The following NSRP1 variants were observed in gnomAD, a reference collection of about 807,000 sequenced individuals.
NSRP1 encodes the protein coiled-coil domain containing 55.
Under a neutral mutation model 54.7 loss-of-function variants are expected in NSRP1, and 24 were observed. The observed-to-expected ratio is 0.44, with a 90% CI of 0.32 to 0.62. The LOEUF (loss-of-function observed/expected upper bound fraction) is 0.62, where lower values mean the gene tolerates loss of function less well. NSRP1 is among the 20% of genes least tolerant of loss of function. NSRP1 has a pLI of 0.06. For missense variants in NSRP1, 596 were observed against 651.2 expected (o/e 0.92, Z 0.92); for synonymous variants, 210 against 213.8 (o/e 0.98, Z 0.15).
chr17:30,126,670 C>T (rs879784749), intron 2 of NSRP1, among the ~76,000 whole-genome samples: 2 of 152,184 alleles, frequency 1.3e-5, no homozygotes, highest in Non-Finnish European at 2.9e-5. Context: ...GTCACTGCAA[C>T]CTCCGCTTCC....
At chr17:30,139,567 C>T (rs570024217) in intron 2 of NSRP1, among the ~76,000 whole-genome samples, 8 of 151,780 alleles carry the variant, frequency 5.3e-5, no homozygotes, top group East Asian at 3.9e-4. Flanking sequence ...GCTATTAAGT[C>T]GCATTGGCCT....
intron 2 of NSRP1, among the ~76,000 whole-genome samples, chr17:30,126,801 C>T (rs563963636): frequency 1.3e-5 from 2 of 152,278 alleles, no homozygotes; most frequent in African/African-American, 2.4e-5. Context: ...GTTGCCCAGG[C>T]GGGTCTCAAG....
intron 2 of NSRP1, among the ~76,000 whole-genome samples, chr17:30,136,894 ATATC>A (rs1364577722): frequency 6.6e-6 from 1 of 152,314 alleles, no homozygotes; most frequent in East Asian, 1.9e-4. Context: ...TTTTATGTAT[ATATC>A]TAAGGATTTT....
chr17:30,148,413 G>A (rs2143003062), intron 2 of NSRP1, among the ~76,000 whole-genome samples: 1 of 152,268 alleles, frequency 6.6e-6, no homozygotes, highest in South Asian at 2.1e-4. Context: ...ATTTATGGAG[G>A]TGACAAATGA....
In NSRP1 at chr17:30,185,661, A is replaced by G. The variant is rs1447258866; in HGVS notation, c.1664A>G (p.Lys555Arg). 2 of 1,574,244 alleles carry G rather than the reference A, an allele frequency of 1.3e-6. No individual in the cohort carries two copies. The highest frequency in any genetic ancestry group is 1.7e-6 in the Non-Finnish European group (2 of 1,165,280). ...GTTAATGCAAAGACCTATATTGAGA[A>G]AGAAGATGATTGATGGCTACCCCAA... is the stretch of plus-strand genomic sequence containing the variant. The part of the protein sequence containing the change: ...ARVNAKTYIE[K>R]EDD The change falls in exon 7 of 7, where the codon AAA (lysine) becomes AGA (arginine). Residue 555 changes from lysine (K) to arginine (R), a missense_variant. Transcript: ENST00000247026.
chr17:30,185,050 T>C lies in NSRP1; in HGVS notation c.1053T>C (p.His351=), dbSNP rs1306602370. ...RDSHRHREAS[H]RDSHWKRHEQ... ...CTCATAGGCACAGAGAGGCCAGTCA[T>C]AGAGATTCCCATTGGAAGAGGCATG... Residue 351 remains histidine, a synonymous_variant, in exon 7 of 7, where the codon CAT becomes CAC. Coordinates refer to ENST00000247026, the MANE Select transcript of NSRP1 (RefSeq NM_032141.4). 2 of 1,613,788 alleles carry C rather than the reference T, an allele frequency of 1.2e-6. No individual in the cohort carries two copies. The highest frequency in any genetic ancestry group is 1.7e-5 in the Admixed American group (1 of 59,962).
At chr17:30,155,360 C>T (rs1597610134) in intron 2 of NSRP1, among the ~76,000 whole-genome samples, 4 of 152,004 alleles carry the variant, frequency 2.6e-5, no homozygotes, top group Admixed American at 2.6e-4. Context: ...GTTGTATATG[C>T]AGGCGTGTGT....
chr17:30,139,893 A>G (rs2071787546), intron 2 of NSRP1, among the ~76,000 whole-genome samples: 1 of 152,170 alleles, frequency 6.6e-6, no homozygotes, highest in Non-Finnish European at 1.5e-5. Context: ...GCGTGGTGGC[A>G]GCCACCTGTA....
intron 2 of NSRP1, among the ~76,000 whole-genome samples, chr17:30,137,045 G>A (rs532320824): frequency 6.6e-6 from 1 of 151,926 alleles, no homozygotes; most frequent in South Asian, 2.1e-4. Flanking sequence ...TTTTTTTCTG[G>A]TCTAATTGCA....
intron 2 of NSRP1, among the ~76,000 whole-genome samples, chr17:30,121,628 A>T (rs1454592149): frequency 6.9e-6 from 1 of 145,054 alleles, no homozygotes; most frequent in African/African-American, 2.6e-5. Context: ...CGGTGGCGTG[A>T]TCTCGGCTCA....
At chr17:30,149,574 T>TA (rs1038965636) in intron 2 of NSRP1, among the ~76,000 whole-genome samples, 3 of 152,190 alleles carry the variant, frequency 2.0e-5, no homozygotes, top group African/African-American at 7.2e-5. Flanking sequence ...CAGTGGCCTG[T>TA]AATCCCAGCC....
At chr17:30,182,096 A>G (rs1461181329) in intron 6 of NSRP1, among the ~76,000 whole-genome samples, 1 of 134,808 alleles carries the variant, frequency 7.4e-6, no homozygotes, top group African/African-American at 2.8e-5. Flanking sequence ...GGTATTCCTC[A>G]TGATCCTTAA....
At chr17:30,145,745 A>C (rs973140010) in intron 2 of NSRP1, among the ~76,000 whole-genome samples, 10 of 151,568 alleles carry the variant, frequency 6.6e-5, no homozygotes, top group Admixed American at 5.9e-4. Context: ...TAGTGGATAC[A>C]TTTTTTCCTG....
chr17:30,171,706 TG>T (rs1196979143), intron 2 of NSRP1, among the ~76,000 whole-genome samples: 2 of 152,176 alleles, frequency 1.3e-5, no homozygotes, highest in Non-Finnish European at 2.9e-5. Context: ...AGACTGTTCT[TG>T]CTTTTTCACT....
At chr17:30,151,018 CTT>C (rs1318344484) in intron 2 of NSRP1, among the ~76,000 whole-genome samples, 1 of 151,982 alleles carries the variant, frequency 6.6e-6, no homozygotes, top group Non-Finnish European at 1.5e-5. Flanking sequence ...ATTTGTGACT[CTT>C]TTATTTTAGT....
intron 2 of NSRP1, among the ~76,000 whole-genome samples, chr17:30,127,495 A>G (rs1023955359): frequency 5.3e-5 from 8 of 152,124 alleles, no homozygotes; most frequent in African/African-American, 1.9e-4. Flanking sequence ...GCTCACTGCA[A>G]CCTCTACCTT....
At chr17:30,138,332 G>A (rs1051166851) in intron 2 of NSRP1, among the ~76,000 whole-genome samples, 1 of 152,090 alleles carries the variant, frequency 6.6e-6, no homozygotes, top group African/African-American at 2.4e-5. Flanking sequence ...TCTTTTGAGT[G>A]TACAATTGTC....
intron 2 of NSRP1, chr17:30,163,181 G>A (rs1009086159): frequency 1.4e-5 from 2 of 146,420 alleles, no homozygotes; most frequent in African/African-American, 2.6e-5. Context: ...CACCACATCC[G>A]GCTAATTTTG....
chr17:30,181,597 G>GTT (rs35525133), intron 6 of NSRP1, among the ~76,000 whole-genome samples: 168 of 135,340 alleles, frequency 1.2e-3, no homozygotes, highest in East Asian at 2.9e-3. Flanking sequence ...TGTGTGTGTG[G>GTT]TTTTTTTTTT....
Sources: allele counts gnomAD v4.1 joint callset (sites outside exome capture counted in the v4.1 genomes callset), GRCh38; gene constraint gnomAD v4.1.1; transcripts MANE v1.5; gene names NCBI Gene and HGNC (gene_info 2026-07-23, HGNC 2026-07-21).